ASCC3: variants seen among roughly 807,000 people sequenced by gnomAD.
ASCC3 encodes activating signal cointegrator 1 complex subunit 3.
A neutral mutation model predicts 256.3 loss-of-function variants in ASCC3; 158 were observed. That is an observed-to-expected ratio of 0.62 (90% CI 0.54 to 0.70). ASCC3 has a LOEUF of 0.70. Among genes scored for constraint, ASCC3 ranks in the 30% least tolerant of loss-of-function variants. ASCC3 has a pLI of 0.00. For synonymous variants in ASCC3, 948 were observed against 883.4 expected (o/e 1.07, Z -1.30); for missense variants, 2,259 against 2,626.0 (o/e 0.86, Z 3.05).
chr6:100,620,689 T>G (rs1214952458), intron 30 of ASCC3, among the ~76,000 whole-genome samples: 2 of 152,126 alleles, frequency 1.3e-5, no homozygotes, highest in Non-Finnish European at 2.9e-5. Flanking sequence ...GCTGCTGTGC[T>G]TCCTCTGAAT....
intron 34 of ASCC3, among the ~76,000 whole-genome samples, chr6:100,594,083 C>T (rs549390332): frequency 3.4e-4 from 51 of 152,096 alleles, no homozygotes; most frequent in African/African-American, 1.2e-3. Context: ...TGGTTGAAAT[C>T]TTTGTCAACA....
At chr6:100,859,818 T>C (rs1456692249) in intron 3 of ASCC3, among the ~76,000 whole-genome samples, 1 of 152,040 alleles carries the variant, frequency 6.6e-6, no homozygotes, top group Non-Finnish European at 1.5e-5. Flanking sequence ...CAAACAGGTC[T>C]TTTTATGACA....
chr6:100,863,277 T>G (rs1469912420), intron 3 of ASCC3, among the ~76,000 whole-genome samples: 1 of 152,192 alleles, frequency 6.6e-6, no homozygotes, highest in Non-Finnish European at 1.5e-5. Context: ...TATACAATAT[T>G]GTAATTTCAA....
At chr6:100,753,495 C>A (rs1313969618) in intron 10 of ASCC3, among the ~76,000 whole-genome samples, 2 of 39,756 alleles carry the variant, frequency 5.0e-5, no homozygotes, top group Non-Finnish European at 1.1e-4. Flanking sequence ...CAAACAGGTG[C>A]CCTTTTTTTT....
At chr6:100,541,004 G>A (rs1775430101) in intron 36 of ASCC3, among the ~76,000 whole-genome samples, 1 of 152,112 alleles carries the variant, frequency 6.6e-6, no homozygotes, top group African/African-American at 2.4e-5. Flanking sequence ...TTTCATCTTA[G>A]ATTTTTTAGG....
chr6:100,795,422 GA>G (rs1330920779), intron 8 of ASCC3, among the ~76,000 whole-genome samples: 8 of 151,946 alleles, frequency 5.3e-5, no homozygotes, highest in African/African-American at 1.7e-4. Flanking sequence ...AGACAAAGAG[GA>G]GAAAAAAATC....
At position 100,601,863 on chromosome 6, in the gene ASCC3, T is replaced by A. The variant is rs759461459; in HGVS notation, c.5250A>T (p.Ala1750=). The part of the protein sequence containing the change: ...AGGTITSKQD[A]LDYITWTYFF... ...AGTAAGTCCAGGTGATATAATCCAATGCATCTTGCTTAGATGTAATTGTAC... is the reference window on the plus strand; with the variant it reads ...AGTAAGTCCAGGTGATATAATCCAAAGCATCTTGCTTAGATGTAATTGTAC... The change falls in exon 34 of 42, where the codon GCA becomes GCT. Residue 1750 remains alanine, a synonymous_variant. Coordinates refer to ENST00000369162, the MANE Select transcript of ASCC3 (RefSeq NM_006828.4). 4.3e-6 allele frequency: 7 copies of A among 1,612,762 alleles called. No homozygotes were observed. The highest frequency in any genetic ancestry group is 1.1e-5 in the South Asian group (1 of 91,048).
chr6:100,636,618 G>T (rs140473970), intron 25 of ASCC3, among the ~76,000 whole-genome samples: 2,213 of 152,236 alleles, frequency 0.015, 19 homozygotes, highest in Middle Eastern at 0.071. Flanking sequence ...GCTGAGATAG[G>T]CCAAAAAGCT....
At chr6:100,842,085 T>C (rs1371279535) in intron 4 of ASCC3, among the ~76,000 whole-genome samples, 1 of 152,184 alleles carries the variant, frequency 6.6e-6, no homozygotes, top group Admixed American at 6.5e-5. Flanking sequence ...CCAATACATA[T>C]TGGTCCTCAT....
At chr6:100,572,514 A>AAGGGAAT (rs1307468245) in intron 36 of ASCC3, among the ~76,000 whole-genome samples, 1 of 152,192 alleles carries the variant, frequency 6.6e-6, no homozygotes, top group Non-Finnish European at 1.5e-5. Flanking sequence ...AACCAATGAA[A>AAGGGAAT]AGGGAATAGG....
intron 36 of ASCC3, among the ~76,000 whole-genome samples, chr6:100,546,529 T>C (rs1775725270): frequency 6.6e-6 from 1 of 152,130 alleles, no homozygotes; most frequent in African/African-American, 2.4e-5. Flanking sequence ...ACAGACAACA[T>C]TAAAAACGTG....
chr6:100,715,639 A>G, intron 12 of ASCC3, 106 bp from the exon 13 acceptor site: 1 of 838,332 alleles, frequency 1.2e-6, no homozygotes, highest in Non-Finnish European at 1.9e-6. Context: ...CTTTCAGGCT[A>G]TCTAGAATGC....
chr6:100,675,226 T>C (rs1181017542), intron 14 of ASCC3, among the ~76,000 whole-genome samples: 1 of 151,764 alleles, frequency 6.6e-6, no homozygotes, highest in Non-Finnish European at 1.5e-5. Flanking sequence ...AAAATTACTA[T>C]ATTAGCCTCC....
chr6:100,646,769 C>T lies in ASCC3; in HGVS notation c.3479G>A (p.Gly1160Asp). 1 of 1,613,448 alleles carries T rather than the reference C, an allele frequency of 6.2e-7. No homozygotes were observed. Among genetic ancestry groups the T allele is most frequent in the Non-Finnish European group, 8.5e-7 (1 of 1,179,602 alleles). ...KLKDMRKDEI[G>D]HILHHVNIGL... ...AATATTCACATGATGTAAAATGTGA[C>T]CTGCAAGAAAAATATCACATAGAAG... is the stretch of plus-strand genomic sequence containing the variant. The change falls in exon 22 of 42, where the codon GGT (glycine) becomes GAT (aspartate). Residue 1160 changes from glycine to aspartate, a missense_variant and splice_region_variant. By Grantham distance (94) the Gly-to-Asp change is moderately conservative. Coordinates refer to ENST00000369162, the MANE Select transcript of ASCC3 (RefSeq NM_006828.4).
intron 13 of ASCC3, among the ~76,000 whole-genome samples, chr6:100,693,779 A>T (rs188598632): frequency 8.5e-5 from 13 of 152,182 alleles, no homozygotes; most frequent in South Asian, 6.2e-4. Flanking sequence ...ATGAGAAACT[A>T]ATGCTGTAAG....
Position 100,806,655 on chromosome 6 carries a change from T to A in ASCC3, c.802-775A>T, listed in dbSNP as rs139260610. Among the ~76,000 whole-genome samples, 32 of 152,086 alleles carry A rather than the reference T, an allele frequency of 2.1e-4. 1 individual carries two copies. The highest frequency in any genetic ancestry group is 7.5e-4 in the African/African-American group (31 of 41,550). On this transcript the variant is annotated intron_variant, in intron 4 of 41. Coordinates refer to ENST00000369162, the MANE Select transcript of ASCC3 (RefSeq NM_006828.4). Reference sequence around the variant, plus strand: ...TGTCATATTAACCAAATTCTAACCATTCTCAGAGAATCCACACAAATAAAA... The same window carrying A: ...TGTCATATTAACCAAATTCTAACCAATCTCAGAGAATCCACACAAATAAAA...
At chr6:100,606,888 T>C in intron 31 of ASCC3, 28 bp from the exon 32 acceptor site, 1 of 1,605,578 alleles carries the variant, frequency 6.2e-7, no homozygotes, top group South Asian at 1.1e-5. Context: ...ATATCTTATA[T>C]CTAAGTAAAA....
intron 26 of ASCC3, 49 bp from the exon 27 acceptor site, chr6:100,629,230 G>A (rs1394611448): frequency 1.3e-6 from 2 of 1,568,008 alleles, no homozygotes; most frequent in South Asian, 1.1e-5. Context: ...GGTAACAAAT[G>A]ACCTTGGAAA....
intron 11 of ASCC3, among the ~76,000 whole-genome samples, chr6:100,724,536 G>C (rs1041679982): frequency 3.3e-5 from 5 of 151,774 alleles, no homozygotes; most frequent in Non-Finnish European, 7.4e-5. Flanking sequence ...AAAGACATAG[G>C]AGAAAGAAAA....
Sources: allele counts gnomAD v4.1 joint callset (sites outside exome capture counted in the v4.1 genomes callset), GRCh38; gene constraint gnomAD v4.1.1; transcripts MANE v1.5; gene names NCBI Gene and HGNC (gene_info 2026-07-23, HGNC 2026-07-21).